Variants in GPC5 observed in about 807,000 individuals in gnomAD.
GPC5 encodes the protein glypican 5, also known as glypican-5.
GPC5 carries 47 observed loss-of-function variants against 53.9 expected under a neutral mutation model. The observed-to-expected ratio is 0.87, with a 90% CI of 0.69 to 1.11. The LOEUF is 1.11. Ranked by LOEUF, GPC5 falls within the 50% of genes most tolerant of loss-of-function variation. The pLI is 0.00. For missense variants in GPC5, 748 were observed against 713.1 expected (o/e 1.05, Z -0.56); for synonymous variants, 286 against 263.3 (o/e 1.09, Z -0.84).
At chr13:92,446,997 G>A (rs113826193) in intron 7 of GPC5, 1 of 151,978 alleles carries the variant, frequency 6.6e-6, no homozygotes, top group Non-Finnish European at 1.5e-5. Context: ...TTTTCATATA[G>A]AGTTGTTTGA....
intron 7 of GPC5, among the ~76,000 whole-genome samples, chr13:92,568,970 A>T (rs1357923273): frequency 2.0e-5 from 3 of 151,664 alleles, no homozygotes; most frequent in Non-Finnish European, 2.9e-5. Flanking sequence ...GTACATGTGC[A>T]CAATTTGCAG....
intron 5 of GPC5, among the ~76,000 whole-genome samples, chr13:91,766,441 G>A (rs1301773821): frequency 1.3e-5 from 2 of 152,162 alleles, no homozygotes; most frequent in East Asian, 1.9e-4. Flanking sequence ...AAGCCAATAA[G>A]GCTCAGTGGT....
intron 7 of GPC5, among the ~76,000 whole-genome samples, chr13:92,762,243 T>C (rs61345699): frequency 9.1e-4 from 138 of 152,068 alleles, no homozygotes; most frequent in Middle Eastern, 3.4e-3. Flanking sequence ...ATACATAATA[T>C]AAAATATGTA....
chr13:92,613,314 TAATA>T (rs1433486524), intron 7 of GPC5, among the ~76,000 whole-genome samples: 11 of 111,886 alleles, frequency 9.8e-5, no homozygotes, highest in Non-Finnish European at 1.7e-5. Flanking sequence ...ATAATGTATA[TAATA>T]AATATTTATA....
intron 7 of GPC5, among the ~76,000 whole-genome samples, chr13:92,778,839 A>T (rs1243198022): frequency 6.6e-6 from 1 of 152,222 alleles, no homozygotes; most frequent in Non-Finnish European, 1.5e-5. Context: ...TCAATAATTT[A>T]AAAAGGACTT....
At chr13:92,535,924 A>C (rs1881708955) in intron 7 of GPC5, among the ~76,000 whole-genome samples, 2 of 152,146 alleles carry the variant, frequency 1.3e-5, no homozygotes, top group African/African-American at 4.8e-5. Context: ...TCTTAATCAA[A>C]ATATGTATTA....
chr13:91,558,745 C>T (rs559359598), intron 2 of GPC5, among the ~76,000 whole-genome samples: 33 of 152,074 alleles, frequency 2.2e-4, no homozygotes, highest in African/African-American at 7.5e-4. Context: ...GCTTTGTCCC[C>T]CAAAAGGTGG....
chr13:92,791,883 TA>T (rs748844396), intron 7 of GPC5, among the ~76,000 whole-genome samples: 9 of 152,136 alleles, frequency 5.9e-5, no homozygotes, highest in Non-Finnish European at 1.3e-4. Context: ...TTAACAATTT[TA>T]AGTGCACAAT....
chr13:91,600,669 T>C (rs992401309), intron 2 of GPC5, among the ~76,000 whole-genome samples: 6 of 152,132 alleles, frequency 3.9e-5, no homozygotes, highest in Non-Finnish European at 8.8e-5. Context: ...AGTGCAGTGA[T>C]GTGATCTCAG....
intron 7 of GPC5, among the ~76,000 whole-genome samples, chr13:92,586,664 A>T (rs922650631): frequency 6.6e-6 from 1 of 152,182 alleles, no homozygotes; most frequent in Non-Finnish European, 1.5e-5. Flanking sequence ...ATCTGTACTG[A>T]TGCCAGGGTA....
intron 6 of GPC5, among the ~76,000 whole-genome samples, chr13:92,035,286 A>G (rs1261283170): frequency 6.6e-6 from 1 of 151,206 alleles, no homozygotes. Flanking sequence ...GGGGCACGGG[A>G]CGTTCAGCTC....
At chr13:91,974,082 G>T (rs535933788) in intron 6 of GPC5, among the ~76,000 whole-genome samples, 1 of 152,212 alleles carries the variant, frequency 6.6e-6, no homozygotes, top group Non-Finnish European at 1.5e-5. Flanking sequence ...TCCCCCAGAG[G>T]TGGAATCTAC....
At chr13:92,855,514 A>C (rs1201355660) in intron 7 of GPC5, among the ~76,000 whole-genome samples, 2 of 151,960 alleles carry the variant, frequency 1.3e-5, no homozygotes, top group Non-Finnish European at 2.9e-5. Flanking sequence ...AGTTACTTAG[A>C]TGCTTGTCAG....
chr13:92,197,959 C>T (rs1173110433), intron 7 of GPC5, among the ~76,000 whole-genome samples: 1 of 152,038 alleles, frequency 6.6e-6, no homozygotes, highest in Non-Finnish European at 1.5e-5. Context: ...TTTTGATTCC[C>T]AACATGCCAA....
intron 7 of GPC5, among the ~76,000 whole-genome samples, chr13:92,821,988 A>T (rs1306725933): frequency 1.3e-5 from 2 of 152,046 alleles, no homozygotes; most frequent in East Asian, 1.9e-4. Context: ...AAGGAATGCG[A>T]TTACCAGAAA....
chr13:91,829,008 T>G (rs2038616638), intron 5 of GPC5, among the ~76,000 whole-genome samples: 2 of 152,058 alleles, frequency 1.3e-5, no homozygotes, highest in Non-Finnish European at 2.9e-5. Flanking sequence ...CACTAATTAT[T>G]TATTAATTAC....
At chr13:92,212,712 C>T (rs980160692) in intron 7 of GPC5, among the ~76,000 whole-genome samples, 1 of 152,184 alleles carries the variant, frequency 6.6e-6, no homozygotes, top group African/African-American at 2.4e-5. Context: ...GAAATAGCTG[C>T]TGCCTTAACC....
intron 7 of GPC5, among the ~76,000 whole-genome samples, chr13:92,486,147 T>G (rs1202176572): frequency 6.6e-6 from 1 of 152,138 alleles, no homozygotes; most frequent in African/African-American, 2.4e-5. Context: ...CTTCAATGTC[T>G]TTTTTACACT....
intron 6 of GPC5, among the ~76,000 whole-genome samples, chr13:92,060,243 G>A (rs1335604521): frequency 6.6e-6 from 1 of 151,818 alleles, no homozygotes; most frequent in Non-Finnish European, 1.5e-5. Flanking sequence ...ATAAATACAT[G>A]AATTATTGAT....
Sources: allele counts gnomAD v4.1 joint callset (sites outside exome capture counted in the v4.1 genomes callset), GRCh38; gene constraint gnomAD v4.1.1; transcripts MANE v1.5; gene names NCBI Gene and HGNC (gene_info 2026-07-23, HGNC 2026-07-21).